The following CPNE4 variants were observed in gnomAD, a reference collection of about 807,000 sequenced individuals.
CPNE4 encodes copine 4.
CPNE4 carries 25 observed loss-of-function variants against 67.9 expected under a neutral mutation model. The ratio of observed to expected loss-of-function variants is 0.37; its 90% CI spans 0.27 to 0.51. The LOEUF is 0.51. Among genes scored for constraint, CPNE4 ranks in the 20% least tolerant of loss-of-function variants. The pLI, the probability that CPNE4 is intolerant of heterozygous loss-of-function variation, is 0.93. For missense variants in CPNE4, 464 were observed against 690.8 expected, an observed-to-expected ratio of 0.67 and a Z score of 3.68; for synonymous variants, 242 against 244.9, an observed-to-expected ratio of 0.99 and a Z score of 0.11.
intron 1 of CPNE4, among the ~76,000 whole-genome samples, chr3:131,963,264 A>T (rs572058295): frequency 6.6e-6 from 1 of 151,908 alleles, no homozygotes; most frequent in South Asian, 2.1e-4. Flanking sequence ...GGATTCCCTC[A>T]CTTGCCTACA....
intron 1 of CPNE4, among the ~76,000 whole-genome samples, chr3:131,941,229 A>G (rs1257730754): frequency 6.6e-6 from 1 of 152,128 alleles, no homozygotes; most frequent in African/African-American, 2.4e-5. Context: ...GCTAAAAATT[A>G]TATTAAGAAC....
chr3:131,723,299 C>G (rs1405377025), intron 3 of CPNE4, 147 bp downstream of exon 3: 1 of 683,564 alleles, frequency 1.5e-6, no homozygotes, highest in East Asian at 2.7e-5. Context: ...GGATATGACA[C>G]CACCTGGGAA....
intron 9 of CPNE4, among the ~76,000 whole-genome samples, chr3:131,578,850 G>C (rs1303782747): frequency 6.6e-6 from 1 of 152,168 alleles, no homozygotes; most frequent in Non-Finnish European, 1.5e-5. Flanking sequence ...AGCTAGCAGA[G>C]GAGGTTGGTT....
At chr3:131,846,889 G>T (rs1022934964) in intron 2 of CPNE4, among the ~76,000 whole-genome samples, 3 of 152,122 alleles carry the variant, frequency 2.0e-5, no homozygotes, top group African/African-American at 7.2e-5. Flanking sequence ...TTCCAAAGGT[G>T]GACACTCCCG....
At chr3:131,886,597 C>T (rs1178407354) in intron 2 of CPNE4, among the ~76,000 whole-genome samples, 1 of 152,206 alleles carries the variant, frequency 6.6e-6, no homozygotes, top group Non-Finnish European at 1.5e-5. Context: ...CACAGACACT[C>T]AGTGCCAGCC....
chr3:131,665,965 C>G (rs2080248858), intron 7 of CPNE4, among the ~76,000 whole-genome samples: 1 of 151,864 alleles, frequency 6.6e-6, no homozygotes. Context: ...TAAATGCAAT[C>G]TCAATAAAAT....
At chr3:131,958,376 C>T (rs1431269645) in intron 1 of CPNE4, among the ~76,000 whole-genome samples, 1 of 152,110 alleles carries the variant, frequency 6.6e-6, no homozygotes, top group Non-Finnish European at 1.5e-5. Flanking sequence ...AAACCAGCTG[C>T]AGCAGCATCA....
chr3:131,639,988 CA>C (rs1398195907), intron 7 of CPNE4, among the ~76,000 whole-genome samples: 2 of 151,908 alleles, frequency 1.3e-5, no homozygotes, highest in Non-Finnish European at 2.9e-5. Context: ...TTGGCAAAAG[CA>C]GCATAGAAGG....
At position 131,825,509 on chromosome 3, in the gene CPNE4, ACAT is replaced by A. The variant is rs138017428; in HGVS notation, c.180+79752_180+79754del. Among the ~76,000 whole-genome samples the A allele has an allele frequency of 1.6e-3, 246 of 151,188 alleles. 1 individual carries two copies. Among genetic ancestry groups the A allele is most frequent in the African/African-American group, 5.3e-3 (218 of 40,824 alleles). On this transcript the variant is annotated intron_variant, in intron 2 of 15. Transcript: ENST00000429747. ...AGACTCCGTCAAAAAAAAAAAAAAA[ACAT>A]TGGTAACTTCTGTCAGTAACCATCT...
At chr3:131,842,882 G>C (rs1167719927) in intron 2 of CPNE4, among the ~76,000 whole-genome samples, 1 of 152,108 alleles carries the variant, frequency 6.6e-6, no homozygotes, top group Non-Finnish European at 1.5e-5. Flanking sequence ...TTCCACGATA[G>C]GAAAAATCAA....
At chr3:131,825,238 C>T (rs910127334) in intron 2 of CPNE4, among the ~76,000 whole-genome samples, 2 of 152,098 alleles carry the variant, frequency 1.3e-5, no homozygotes, top group South Asian at 2.1e-4. Flanking sequence ...TAGCTCAGGC[C>T]TGTAATCCTA....
intron 2 of CPNE4, among the ~76,000 whole-genome samples, chr3:131,900,441 C>T (rs1169629232): frequency 6.6e-6 from 1 of 151,920 alleles, no homozygotes; most frequent in African/African-American, 2.4e-5. Context: ...TATTTTAGGC[C>T]CCCTCCACAT....
intron 15 of CPNE4, among the ~76,000 whole-genome samples, chr3:131,541,804 G>A (rs1014459959): frequency 6.6e-6 from 1 of 151,988 alleles, no homozygotes; most frequent in South Asian, 2.1e-4. Flanking sequence ...CCGAGTAGCT[G>A]GGATTACAGG....
intron 1 of CPNE4, among the ~76,000 whole-genome samples, chr3:131,963,144 A>G (rs2072233669): frequency 6.6e-6 from 1 of 152,030 alleles, no homozygotes; most frequent in Non-Finnish European, 1.5e-5. Context: ...CGGGAAGTGC[A>G]AGGAGCTGGG....
intron 6 of CPNE4, among the ~76,000 whole-genome samples, chr3:131,681,709 A>G (rs1470786086): frequency 6.6e-6 from 1 of 152,016 alleles, no homozygotes; most frequent in Non-Finnish European, 1.5e-5. Context: ...CTTTGAATAA[A>G]CTTTCCACCC....
chr3:131,804,211 T>C (rs1458513148), intron 2 of CPNE4, among the ~76,000 whole-genome samples: 1 of 152,122 alleles, frequency 6.6e-6, no homozygotes, highest in Non-Finnish European at 1.5e-5. Context: ...TTCACACTGG[T>C]TTAATCATTA....
chr3:131,705,744 C>CGTTCTAA lies in CPNE4; in HGVS notation c.361-5771_361-5765dup, dbSNP rs200709902. ...CTGTCTTAAGCTTTCCATTTCACAGCGTTCTAATTACTTCAAGTGTAATTA... is the reference window on the plus strand; with the variant it reads ...CTGTCTTAAGCTTTCCATTTCACAGCGTTCTAAGTTCTAATTACTTCAAGTGTAATTA... On this transcript the variant is annotated intron_variant, in intron 3 of 15. Transcript: ENST00000429747. Among the ~76,000 whole-genome samples the CGTTCTAA allele has an allele frequency of 1.4e-3, 209 of 152,294 alleles. 4 individuals are homozygous for CGTTCTAA. In the East Asian group the frequency reaches 0.035, roughly 25 times the overall value.
intron 7 of CPNE4, among the ~76,000 whole-genome samples, chr3:131,654,045 T>C (rs1229553911): frequency 1.3e-5 from 2 of 152,212 alleles, no homozygotes; most frequent in Non-Finnish European, 2.9e-5. Flanking sequence ...ATTTCTGATG[T>C]TTTGGCCTTT....
chr3:131,738,237 T>C (rs2082283537), intron 2 of CPNE4, among the ~76,000 whole-genome samples: 1 of 152,278 alleles, frequency 6.6e-6, no homozygotes, highest in Non-Finnish European at 1.5e-5. Context: ...GTAAGTAGCA[T>C]CTTTAGATAT....
Sources: gnomAD v4.1 joint callset for allele counts (sites outside exome capture counted in the v4.1 genomes callset) on GRCh38, gnomAD v4.1.1 for gene constraint, MANE v1.5 for transcripts, NCBI Gene and HGNC (gene_info 2026-07-23, HGNC 2026-07-21) for gene names.